Variants in ADRA1A observed in about 807,000 individuals in gnomAD.
ADRA1A encodes the protein adrenoceptor alpha 1A, also known as alpha-1A adrenergic receptor.
Under a neutral mutation model 29.6 loss-of-function variants are expected in ADRA1A, and 31 were observed. The observed-to-expected ratio is 1.05, with a 90% CI of 0.79 to 1.41. The LOEUF (loss-of-function observed/expected upper bound fraction) is 1.41, where lower values mean the gene tolerates loss of function less well. Among genes scored for constraint, ADRA1A ranks in the 40% most tolerant of loss-of-function variants. ADRA1A has a pLI of 0.00. For synonymous variants in ADRA1A, 311 were observed against 254.3 expected (o/e 1.22, Z -2.12); for missense variants, 619 against 601.1 (o/e 1.03, Z -0.31).
At chr8:26,822,007 T>C (rs1238959197) in intron 2 of ADRA1A, among the ~76,000 whole-genome samples, 1 of 152,198 alleles carries the variant, frequency 6.6e-6, no homozygotes, top group African/African-American at 2.4e-5. Flanking sequence ...AATATCTGGA[T>C]TGTTTCCAGT....
In ADRA1A at chr8:26,769,996, C is replaced by T; in HGVS notation, c.*153G>A. The T allele has an allele frequency of 6.9e-7, 1 of 1,443,306 alleles. No homozygotes were observed. The highest frequency in any genetic ancestry group is 9.1e-7 in the Non-Finnish European group (1 of 1,102,692). The allele number at this position is 1,443,306 out of a possible 1,614,324, so 89.4% of individuals were successfully genotyped here. On this transcript the variant is annotated 3_prime_UTR_variant, in exon 3 of 3. Coordinates refer to ENST00000380573, the MANE Select transcript of ADRA1A (RefSeq NM_000680.4). ...CTCCCTCTTCCCTGTGCCCTACCCG[C>T]TGCCTGATGAGTTGGGTCTACCACC... is the stretch of plus-strand genomic sequence containing the variant.
intron 2 of ADRA1A, among the ~76,000 whole-genome samples, chr8:26,778,383 T>C (rs908861098): frequency 1.3e-5 from 2 of 152,214 alleles, no homozygotes; most frequent in Non-Finnish European, 2.9e-5. Flanking sequence ...AGGAAAAAGC[T>C]AGCAATAAGG....
chr8:26,796,742 G>T lies in ADRA1A; in HGVS notation c.884-26076C>A, dbSNP rs1009470331. Among the ~76,000 whole-genome samples, 11 of 152,146 alleles carry T rather than the reference G, an allele frequency of 7.2e-5. No individual in the cohort carries two copies. The highest frequency in any genetic ancestry group is 1.5e-4 in the Non-Finnish European group (10 of 68,032). The stretch of plus-strand genomic sequence containing the variant: ...GATTAATTTCGAAAGGGGGGTACAA[G>T]ATGAAGGGACACCCCTGAAATCGGG... On this transcript the variant is annotated intron_variant, in intron 2 of 2. Transcript: ENST00000380573. The surrounding 1 kb of genome is among the most constrained non-coding windows in gnomAD (Gnocchi z 5.0).
chr8:26,864,583 G>A lies in ADRA1A; in HGVS notation c.387C>T (p.Ser129=), dbSNP rs1249430407. The A allele has an allele frequency of 6.2e-7, 1 of 1,614,126 alleles. No homozygotes were observed. Among genetic ancestry groups the A allele is most frequent in the Admixed American group, 1.7e-5 (1 of 60,030 alleles). ...IISIDRYIGV[S]YPLRYPTIVT... Reference sequence around the variant, plus strand: ...CGATGGTTGGGTAGCGCAGCGGGTAGCTCACGCCGATGTAGCGGTCGATGG... The same window carrying A: ...CGATGGTTGGGTAGCGCAGCGGGTAACTCACGCCGATGTAGCGGTCGATGG... Residue 129 remains serine, a synonymous_variant, in exon 2 of 3, where the codon AGC becomes AGT. Transcript: ENST00000380573. The surrounding 1 kb of genome is among the most constrained non-coding windows in gnomAD (Gnocchi z 8.1).
chr8:26,865,221 CCT>C lies in ADRA1A; in HGVS notation c.-254_-253del, dbSNP rs1813819943. ...AGGGGCGCGCGGGGCTGCCGGGGAC[CCT>C]CTCCACCTGCCGGGCTGGCCTAGCC... is the stretch of plus-strand genomic sequence containing the variant. On this transcript the variant is annotated 5_prime_UTR_variant, in exon 2 of 3. Transcript: ENST00000380573. The surrounding 1 kb of genome is among the most constrained non-coding windows in gnomAD (Gnocchi z 7.6). The C allele has an allele frequency of 7.5e-7, 1 of 1,339,746 alleles. No individual in the cohort carries two copies. 83.0% of individuals were successfully genotyped at this position (1,339,746 alleles called of 1,614,324 possible).
chr8:26,815,242 T>G lies in ADRA1A; in HGVS notation c.884-44576A>C, dbSNP rs1190649263. 6.6e-6 allele frequency among the ~76,000 whole-genome samples: 1 copy of G among 152,220 alleles called. No individual in the cohort carries two copies. Among genetic ancestry groups the G allele is most frequent in the Non-Finnish European group, 1.5e-5 (1 of 68,040 alleles). ...CTTGAAATCACATGCAGATTTCCTT[T>G]TCTGGAAATAGGGCATTCTAGAATA... On this transcript the variant is annotated intron_variant, in intron 2 of 2. Coordinates refer to ENST00000380573, the MANE Select transcript of ADRA1A (RefSeq NM_000680.4). The surrounding 1 kb of genome is among the most constrained non-coding windows in gnomAD (Gnocchi z 4.2).
At chr8:26,766,715 T>G (rs1805812485), downstream of ADRA1A, among the ~76,000 whole-genome samples, 1 of 152,152 alleles carries the variant, frequency 6.6e-6, no homozygotes, top group Non-Finnish European at 1.5e-5. Flanking sequence ...GTTTAAATCA[T>G]GGTTCCCCTT....
chr8:26,756,696 G>A, exon 3 of ADRA1A: 1 of 1,613,860 alleles, frequency 6.2e-7, no homozygotes, highest in Middle Eastern at 1.7e-4. Context: ...CAGGACCAGT[G>A]GTGGGTTTCA....
At chr8:26,788,373 G>A (rs192262600) in intron 2 of ADRA1A, among the ~76,000 whole-genome samples, 9 of 152,092 alleles carry the variant, frequency 5.9e-5, no homozygotes, top group African/African-American at 1.7e-4. Flanking sequence ...CTGGCACTTT[G>A]TTTCTTCTTT....
Position 26,860,494 on chromosome 8 carries a change from C to T in ADRA1A, c.883+3593G>A, listed in dbSNP as rs548962391. Among the ~76,000 whole-genome samples the T allele has an allele frequency of 9.2e-5, 14 of 152,238 alleles. No individual in the cohort carries two copies. The highest frequency in any genetic ancestry group is 3.3e-4 in the Admixed American group (5 of 15,300). ...TTCCCGCTGTACTTTAATGTTATGA[C>T]CGTAAATCTCAGATAGGCCTTCAGG... On this transcript the variant is annotated intron_variant, in intron 2 of 2. Transcript: ENST00000380573. The surrounding 1 kb of genome is among the most constrained non-coding windows in gnomAD (Gnocchi z 4.7).
chr8:26,802,469 A>G (rs1808655219), intron 2 of ADRA1A, among the ~76,000 whole-genome samples: 1 of 152,234 alleles, frequency 6.6e-6, no homozygotes, highest in African/African-American at 2.4e-5. Context: ...CAGGCATATG[A>G]AAATGTGCTT....
At chr8:26,773,428 T>G (rs1261956574) in intron 2 of ADRA1A, among the ~76,000 whole-genome samples, 1 of 152,186 alleles carries the variant, frequency 6.6e-6, no homozygotes, top group Non-Finnish European at 1.5e-5. Flanking sequence ...TGTCCAATAT[T>G]TCCTACTAAT....
Position 26,831,754 on chromosome 8 carries a change from G to T in ADRA1A, c.883+32333C>A, listed in dbSNP as rs190245296. ...GAATGAAGGACCCTTTTGGGCCTTG[G>T]GGGGAACACGCTGCATGCAGCTTCC... On this transcript the variant is annotated intron_variant, in intron 2 of 2. Coordinates refer to ENST00000380573, the MANE Select transcript of ADRA1A (RefSeq NM_000680.4). The surrounding 1 kb of genome is among the most constrained non-coding windows in gnomAD (Gnocchi z 5.2). Among the ~76,000 whole-genome samples, 3 of 152,320 alleles carry T rather than the reference G, an allele frequency of 2.0e-5. No individual in the cohort carries two copies. The highest frequency in any genetic ancestry group is 3.9e-4 in the East Asian group (2 of 5,182).
chr8:26,840,686 G>A (rs1811757868), intron 2 of ADRA1A, among the ~76,000 whole-genome samples: 1 of 151,904 alleles, frequency 6.6e-6, no homozygotes, highest in South Asian at 2.1e-4. Context: ...AAAACAGGAA[G>A]TCTTGATTTA....
chr8:26,826,201 G>C (rs2130623368), intron 2 of ADRA1A, among the ~76,000 whole-genome samples: 1 of 152,334 alleles, frequency 6.6e-6, no homozygotes, highest in Non-Finnish European at 1.5e-5. Context: ...GAATGCTACA[G>C]TAATTAATGA....
chr8:26,826,235 A>C (rs574157848), intron 2 of ADRA1A, among the ~76,000 whole-genome samples: 2 of 152,338 alleles, frequency 1.3e-5, no homozygotes, highest in Admixed American at 6.5e-5. Context: ...GATCTCTTGC[A>C]TCTATTTCCA....
chr8:26,861,983 T>C (rs1813506657), intron 2 of ADRA1A, among the ~76,000 whole-genome samples: 1 of 152,004 alleles, frequency 6.6e-6, no homozygotes, highest in South Asian at 2.1e-4. Context: ...AGAATGATCC[T>C]TCAAAAATAT....
intron 2 of ADRA1A, among the ~76,000 whole-genome samples, chr8:26,784,096 T>A (rs1807199888): frequency 6.6e-6 from 1 of 152,220 alleles, no homozygotes; most frequent in African/African-American, 2.4e-5. Flanking sequence ...AGTGATGGGT[T>A]GATCTGTGCA....
Position 26,864,266 on chromosome 8 carries a change from C to A in ADRA1A, c.704G>T (p.Arg235Leu), listed in dbSNP as rs755886691. Reference protein sequence around the residue: ...DKSDSEQVTLRIHRKNAPAGG... With the variant: ...DKSDSEQVTLLIHRKNAPAGG... ...TGCCGGGGCGTTTTTCCGATGGATGCGGAGCGTCACTTGCTCCGAGTCCGA... is the reference window on the plus strand; with the variant it reads ...TGCCGGGGCGTTTTTCCGATGGATGAGGAGCGTCACTTGCTCCGAGTCCGA... Residue 235 changes from arginine to leucine, a missense_variant, in exon 2 of 3, where the codon CGC (arginine) becomes CTC (leucine). Arg to Leu is a moderately radical substitution (Grantham distance 102). Coordinates refer to ENST00000380573, the MANE Select transcript of ADRA1A (RefSeq NM_000680.4). This position sits in a 1 kb window ranked among gnomAD's most constrained non-coding sequence, Gnocchi z 8.1. 4 of 1,614,140 alleles carry A rather than the reference C, an allele frequency of 2.5e-6. No individual in the cohort carries two copies. Among genetic ancestry groups the A allele is most frequent in the Non-Finnish European group, 3.4e-6 (4 of 1,180,030 alleles).
Sources: gnomAD v4.1 joint callset for allele counts (sites outside exome capture counted in the v4.1 genomes callset) on GRCh38, gnomAD v4.1.1 for gene constraint, Gnocchi (gnomAD v3.1) non-coding constraint, MANE v1.5 for transcripts, NCBI Gene and HGNC (gene_info 2026-07-23, HGNC 2026-07-21) for gene names.